Variants in SLC4A7 observed in about 807,000 individuals in gnomAD.
SLC4A7 encodes the protein sodium bicarbonate cotransporter 3.
SLC4A7 carries 51 observed loss-of-function variants against 137.6 expected under a neutral mutation model. The observed-to-expected ratio is 0.37, with a 90% CI of 0.30 to 0.47. The LOEUF (loss-of-function observed/expected upper bound fraction) is 0.47. SLC4A7 is among the 20% of genes least tolerant of loss of function. The pLI, the probability that SLC4A7 is intolerant of heterozygous loss-of-function variation, is 1.00. For missense variants in SLC4A7, 1,247 were observed against 1,525.4 expected, an observed-to-expected ratio of 0.82 and a Z score of 3.04; for synonymous variants, 542 against 518.6, an observed-to-expected ratio of 1.05 and a Z score of -0.61.
chr3:27,445,381 T>C (rs1404644813), intron 3 of SLC4A7, among the ~76,000 whole-genome samples: 1 of 152,166 alleles, frequency 6.6e-6, no homozygotes, highest in African/African-American at 2.4e-5. Flanking sequence ...CTCCCTGTGC[T>C]GTGGCCTGGA....
intron 20 of SLC4A7, among the ~76,000 whole-genome samples, 195 bp from the exon 21 acceptor site, chr3:27,392,003 T>G (rs1553678976): frequency 6.6e-6 from 1 of 152,172 alleles, no homozygotes; most frequent in Non-Finnish European, 1.5e-5. Flanking sequence ...ACATGCTGCT[T>G]CCTAAAAAGG....
chr3:27,383,119 T>A, intron 24 of SLC4A7, 34 bp downstream of exon 24: 1 of 1,187,990 alleles, frequency 8.4e-7, no homozygotes, highest in Non-Finnish European at 1.2e-6. Context: ...TTGACATGCA[T>A]ATAAAAGTTT....
At chr3:27,471,248 G>A (rs575369157) in intron 1 of SLC4A7, among the ~76,000 whole-genome samples, 141 of 152,254 alleles carry the variant, frequency 9.3e-4, no homozygotes, top group Non-Finnish European at 1.8e-3. Flanking sequence ...CCTGCAGTTT[G>A]GAAAAGATTC....
chr3:27,404,109 C>T (rs554301252), intron 14 of SLC4A7, among the ~76,000 whole-genome samples: 33 of 152,338 alleles, frequency 2.2e-4, no homozygotes, highest in African/African-American at 6.5e-4. Context: ...CAGTGGCTCA[C>T]GCCTGTAATC....
At chr3:27,418,764 T>A (rs922569090) in intron 10 of SLC4A7, 132 bp from the exon 11 acceptor site, 7 of 591,554 alleles carry the variant, frequency 1.2e-5, no homozygotes, top group Non-Finnish European at 2.1e-5. Flanking sequence ...AGGCAGGTAT[T>A]CAGCCCAGCC....
chr3:27,475,079 T>TG (rs1032264455), intron 1 of SLC4A7, among the ~76,000 whole-genome samples: 3 of 152,046 alleles, frequency 2.0e-5, no homozygotes, highest in South Asian at 2.1e-4. Flanking sequence ...CACTGCACTC[T>TG]GGGTGACAGA....
Position 27,418,651 on chromosome 3 carries a change from G to A in SLC4A7, c.1513-19C>T. On this transcript the variant is annotated intron_variant, in intron 10 of 25. Transcript: ENST00000454389. ...GGAAAATCTAAGTGAAAAAAATATT[G>A]AGTAAAAGATTTTAAAGTTGAAAAA... The A allele has an allele frequency of 6.6e-7, 1 of 1,506,148 alleles. No homozygotes were observed. Among genetic ancestry groups the A allele is most frequent in the Non-Finnish European group, 9.1e-7 (1 of 1,098,694 alleles). The allele number at this position is 1,506,148 out of a possible 1,614,324, so 93.3% of individuals were successfully genotyped here.
At position 27,420,708 on chromosome 3, in the gene SLC4A7, T is replaced by C; in HGVS notation, c.1504A>G (p.Thr502Ala). Residue 502 changes from threonine to alanine, a missense_variant, in exon 10 of 26, where the codon ACA becomes GCA. Thr to Ala is a moderately conservative substitution (Grantham distance 58, BLOSUM62 0). Coordinates refer to ENST00000454389, the MANE Select transcript of SLC4A7 (RefSeq NM_001321103.2). Reference protein sequence around the residue: ...EIGRSIATLMTDEIFHDVAYK... With the variant: ...EIGRSIATLMADEIFHDVAYK... The stretch of plus-strand genomic sequence containing the variant: ...TGGAGTATTCTGATTACCTCATCTG[T>C]CATGAGAGTGGCTATTGATCGTCCA... 8 of 1,606,722 alleles carry C rather than the reference T, an allele frequency of 5.0e-6. No homozygotes were observed. Among genetic ancestry groups the C allele is most frequent in the Non-Finnish European group, 6.8e-6 (8 of 1,173,326 alleles).
At chr3:27,442,298 G>A (rs1221166934) in intron 3 of SLC4A7, among the ~76,000 whole-genome samples, 2 of 152,092 alleles carry the variant, frequency 1.3e-5, no homozygotes, top group Non-Finnish European at 1.5e-5. Context: ...TATATCTTTA[G>A]AGAAACATGA....
rs574594142 is a variant in SLC4A7 at position 27,459,701 on chromosome 3, C to A, written c.61-7203G>T. 1.1e-4 allele frequency among the ~76,000 whole-genome samples: 17 copies of A among 152,172 alleles called. No homozygotes were observed. The East Asian group carries it at 2.1e-3, about 19-fold the overall frequency. ...TTTTTAAGTAATTTATCAAATTAAT[C>A]TGTAAACAGTAGGAAAATCCAAGGT... On this transcript the variant is annotated intron_variant, in intron 1 of 25. Coordinates refer to ENST00000454389, the MANE Select transcript of SLC4A7 (RefSeq NM_001321103.2).
chr3:27,392,987 T>C (rs1250948828), intron 20 of SLC4A7, among the ~76,000 whole-genome samples: 2 of 152,118 alleles, frequency 1.3e-5, no homozygotes, highest in South Asian at 2.1e-4. Flanking sequence ...AAATTTTCTT[T>C]AATAGCAAGG....
intron 15 of SLC4A7, among the ~76,000 whole-genome samples, chr3:27,402,487 G>A (rs966974672): frequency 6.6e-6 from 1 of 152,130 alleles, no homozygotes; most frequent in African/African-American, 2.4e-5. Context: ...ATCACCTGAG[G>A]TCAGGAGTTT....
intron 6 of SLC4A7, 92 bp downstream of exon 6, chr3:27,433,824 T>C: frequency 1.9e-6 from 2 of 1,062,290 alleles, no homozygotes; most frequent in Non-Finnish European, 2.9e-6. Context: ...GTATAGTGAG[T>C]GTTTAAATAT....
intron 1 of SLC4A7, among the ~76,000 whole-genome samples, chr3:27,460,821 C>T (rs1304454949): frequency 2.0e-5 from 3 of 152,154 alleles, no homozygotes; most frequent in Admixed American, 6.5e-5. Flanking sequence ...GTGCTGTTGA[C>T]CAGAAGCCTA....
In SLC4A7 at chr3:27,376,679, C is replaced by G. The variant is rs1052851473; in HGVS notation, c.*85G>C. The G allele has an allele frequency of 2.3e-5, 19 of 819,192 alleles. No homozygotes were observed. In the African/African-American group the frequency reaches 3.3e-4, roughly 14 times the overall value. The allele number at this position is 819,192 out of a possible 1,614,324, so 50.7% of individuals were successfully genotyped here. On this transcript the variant is annotated 3_prime_UTR_variant, in exon 26 of 26. Coordinates refer to ENST00000454389, the MANE Select transcript of SLC4A7 (RefSeq NM_001321103.2). ...CGGTAGTCACACATAAACAGCATGA[C>G]ATACAATATTCTTATATATAGTGAC...
At chr3:27,385,232 C>T (rs1438156779) in intron 23 of SLC4A7, among the ~76,000 whole-genome samples, 1 of 152,096 alleles carries the variant, frequency 6.6e-6, no homozygotes, top group East Asian at 1.9e-4. Context: ...ACCATCAATG[C>T]TATATACTCA....
intron 3 of SLC4A7, 128 bp downstream of exon 3, chr3:27,448,523 C>A: frequency 1.5e-6 from 1 of 649,354 alleles, no homozygotes; most frequent in South Asian, 2.6e-5. Flanking sequence ...CAATACAATA[C>A]ATTCCCCATA....
At position 27,431,470 on chromosome 3, in the gene SLC4A7, G is replaced by A. The variant is rs1265234830; in HGVS notation, c.978C>T (p.Ser326=). 6.2e-7 allele frequency: 1 copy of A among 1,614,122 alleles called. No individual in the cohort carries two copies. The highest frequency in any genetic ancestry group is 8.5e-7 in the Non-Finnish European group (1 of 1,179,988). The change falls in exon 7 of 26, where the codon AGC becomes AGT. Residue 326 remains serine, a synonymous_variant. Transcript: ENST00000454389. ...CTTGGGAACTTCTGGAGGTCAGGCG[G>A]CTGATGCTAGGGCTAGAAGGAGGAC... is the stretch of plus-strand genomic sequence containing the variant. ...QNSPPSSPSI[S]RLTSRSSQES...
intron 11 of SLC4A7, among the ~76,000 whole-genome samples, chr3:27,417,090 A>G (rs558006807): frequency 1.6e-4 from 25 of 152,354 alleles, no homozygotes; most frequent in African/African-American, 5.5e-4. Context: ...ACATTAAAAT[A>G]TACCAAAAAG....
Sources: allele counts gnomAD v4.1 joint callset (sites outside exome capture counted in the v4.1 genomes callset), GRCh38; gene constraint gnomAD v4.1.1; transcripts MANE v1.5; gene names NCBI Gene and HGNC (gene_info 2026-07-23, HGNC 2026-07-21).